NADK2: variants seen among roughly 807,000 people sequenced by gnomAD.
NADK2 encodes the protein NAD kinase 2, mitochondrial.
NADK2 carries 35 observed loss-of-function variants against 62.1 expected under a neutral mutation model. That is an observed-to-expected ratio of 0.56 (90% CI 0.43 to 0.75). The LOEUF is 0.75. Among genes scored for constraint, NADK2 ranks in the 30% least tolerant of loss-of-function variants. The pLI is 0.00. For synonymous variants in NADK2, 205 were observed against 207.9 expected (o/e 0.99, Z 0.12); for missense variants, 439 against 561.3 (o/e 0.78, Z 2.20).
At chr5:36,201,058 C>A in intron 9 of NADK2, 48 bp downstream of exon 9, 2 of 1,528,774 alleles carry the variant, frequency 1.3e-6, no homozygotes, top group Non-Finnish European at 1.8e-6. Context: ...TGGAACTTGT[C>A]CCCTGCGGAT....
chr5:36,230,801 A>T (rs76487565), intron 1 of NADK2, among the ~76,000 whole-genome samples: 2 of 152,152 alleles, frequency 1.3e-5, no homozygotes, highest in African/African-American at 4.8e-5. Flanking sequence ...CTCTAAAAAA[A>T]ATTCATCTAA....
At chr5:36,197,507 G>A (rs777976228) in intron 11 of NADK2, 34 bp downstream of exon 11, 18 of 1,611,116 alleles carry the variant, frequency 1.1e-5, no homozygotes, top group Non-Finnish European at 1.4e-5. Flanking sequence ...TGAAAGGGAT[G>A]AAAACAGTCA....
intron 11 of NADK2, 88 bp from the exon 12 acceptor site, chr5:36,195,370 G>A (rs1746193208): frequency 6.0e-6 from 8 of 1,332,758 alleles, no homozygotes. Context: ...AGATCATTTG[G>A]CCTCCATTTT....
intron 10 of NADK2, among the ~76,000 whole-genome samples, chr5:36,199,164 C>T (rs1449509181): frequency 1.3e-5 from 2 of 151,736 alleles, no homozygotes; most frequent in African/African-American, 2.4e-5. Flanking sequence ...AACAAACCTG[C>T]ACGTTGTGCA....
At chr5:36,195,780 T>C (rs1746208846) in intron 11 of NADK2, among the ~76,000 whole-genome samples, 1 of 152,172 alleles carries the variant, frequency 6.6e-6, no homozygotes, top group African/African-American at 2.4e-5. Flanking sequence ...GCTCCCTCAC[T>C]GCCTTCTCCC....
intron 1 of NADK2, among the ~76,000 whole-genome samples, chr5:36,233,561 G>A (rs11738984): frequency 6.6e-6 from 1 of 152,056 alleles, no homozygotes; most frequent in Non-Finnish European, 1.5e-5. Flanking sequence ...ACAATTTAAC[G>A]ATCACAGCCA....
At chr5:36,212,191 A>G (rs1019699521) in intron 6 of NADK2, 19 of 236,438 alleles carry the variant, frequency 8.0e-5, no homozygotes, top group African/African-American at 4.1e-4. Flanking sequence ...GTGATGAACT[A>G]TATTTATCCA....
chr5:36,195,459 T>G (rs1364535826), intron 11 of NADK2, among the ~76,000 whole-genome samples, 177 bp from the exon 12 acceptor site: 1 of 152,158 alleles, frequency 6.6e-6, no homozygotes, highest in Non-Finnish European at 1.5e-5. Flanking sequence ...TCTCAAAACG[T>G]TCAGGATGGC....
intron 5 of NADK2, among the ~76,000 whole-genome samples, chr5:36,219,214 G>A (rs1196486911): frequency 1.3e-5 from 2 of 152,004 alleles, no homozygotes; most frequent in African/African-American, 4.8e-5. Context: ...GGTTTTTTGT[G>A]TGTTTGTTTG....
intron 10 of NADK2, among the ~76,000 whole-genome samples, chr5:36,199,180 A>G (rs1340405145): frequency 1.3e-5 from 2 of 152,158 alleles, no homozygotes; most frequent in South Asian, 4.1e-4. Context: ...GTGCACATGT[A>G]CCCTAAAACT....
At position 36,228,722 on chromosome 5, in the gene NADK2, C is replaced by T. The variant is rs143432503; in HGVS notation, c.301-1157G>A. 3.6e-3 allele frequency among the ~76,000 whole-genome samples: 551 copies of T among 151,764 alleles called. 5 individuals are homozygous for T. Among genetic ancestry groups the T allele is most frequent in the African/African-American group, 0.013 (523 of 41,390 alleles). On this transcript the variant is annotated intron_variant, in intron 1 of 11. Coordinates refer to ENST00000381937, the MANE Select transcript of NADK2 (RefSeq NM_001085411.3). ...CAACCTCTGCCTCCCGGACTCAAGC[C>T]GCCCTCCCACCTCAGCCTCCCAGGC...
rs528264832 is a variant in NADK2, at chr5:36,210,386, A to G, written c.860+1458T>C. The stretch of plus-strand genomic sequence containing the variant: ...CTTCTGCCGGTAATGAAACACACAC[A>G]TTTTTACACTCCTAATGAGGAACTA... On this transcript the variant is annotated intron_variant, in intron 7 of 11. Transcript: ENST00000381937. Among the ~76,000 whole-genome samples, 11 of 152,260 alleles carry G rather than the reference A, an allele frequency of 7.2e-5. No individual in the cohort carries two copies. The East Asian group carries it at 1.9e-3, about 27-fold the overall frequency.
chr5:36,226,413 T>C (rs1424967707), intron 3 of NADK2, 62 bp downstream of exon 3: 2 of 1,310,648 alleles, frequency 1.5e-6, no homozygotes, highest in Non-Finnish European at 2.2e-6. Flanking sequence ...CTAGGGTATC[T>C]GGAAATAATG....
intron 11 of NADK2, among the ~76,000 whole-genome samples, chr5:36,196,428 C>A (rs1746235819): frequency 6.6e-6 from 1 of 152,050 alleles, no homozygotes. Flanking sequence ...GTGAATATCA[C>A]CTTTTGTGAA....
rs1747505492 is a variant in NADK2, at chr5:36,226,937, A to G, written c.390-374T>C. Among the ~76,000 whole-genome samples the G allele has an allele frequency of 2.0e-5, 3 of 152,144 alleles. No individual in the cohort carries two copies. In the South Asian group the frequency reaches 6.2e-4, roughly 32 times the overall value. On this transcript the variant is annotated intron_variant, in intron 2 of 11. Coordinates refer to ENST00000381937, the MANE Select transcript of NADK2 (RefSeq NM_001085411.3). ...AACACCTTAGAGTGACAATTTTTTA[A>G]ACTATAAAACTGAATGGCCATTATT... is the stretch of plus-strand genomic sequence containing the variant.
At chr5:36,230,714 A>C (rs1467173364) in intron 1 of NADK2, among the ~76,000 whole-genome samples, 1 of 151,962 alleles carries the variant, frequency 6.6e-6, no homozygotes, top group Non-Finnish European at 1.5e-5. Flanking sequence ...ATTAGTTACT[A>C]TAGTATATTA....
At chr5:36,234,665 G>A (rs1177657935) in intron 1 of NADK2, among the ~76,000 whole-genome samples, 1 of 152,168 alleles carries the variant, frequency 6.6e-6, no homozygotes, top group African/African-American at 2.4e-5. Flanking sequence ...GGCTTTAGTT[G>A]TAATATTTCC....
chr5:36,217,183 T>G (rs1747075891), intron 6 of NADK2, among the ~76,000 whole-genome samples: 1 of 152,156 alleles, frequency 6.6e-6, no homozygotes, highest in African/African-American at 2.4e-5. Context: ...TCTTGGGATA[T>G]TCTTGCATCA....
At chr5:36,217,609 A>T in intron 6 of NADK2, 139 bp downstream of exon 6, 1 of 862,790 alleles carries the variant, frequency 1.2e-6, no homozygotes, top group South Asian at 1.8e-5. Flanking sequence ...AAACTTTACA[A>T]CTGAAGTAAT....
Sources: allele counts gnomAD v4.1 joint callset (sites outside exome capture counted in the v4.1 genomes callset), GRCh38; gene constraint gnomAD v4.1.1; transcripts MANE v1.5; gene names NCBI Gene and HGNC (gene_info 2026-07-23, HGNC 2026-07-21).